LAMB1: variants seen among roughly 807,000 people sequenced by gnomAD.
LAMB1 encodes laminin subunit beta-1.
LAMB1 carries 121 observed loss-of-function variants against 222.3 expected under a neutral mutation model. The observed-to-expected ratio is 0.54, with a 90% CI of 0.47 to 0.63. The LOEUF (loss-of-function observed/expected upper bound fraction) is 0.63, where lower values mean the gene tolerates loss of function less well. Ranked by LOEUF, LAMB1 falls within the 30% of genes least tolerant of loss-of-function variation. The pLI is 0.00. For missense variants in LAMB1, 2,172 were observed against 2,240.8 expected, an observed-to-expected ratio of 0.97 and a Z score of 0.62; for synonymous variants, 794 against 807.2, an observed-to-expected ratio of 0.98 and a Z score of 0.28.
At position 107,932,177 on chromosome 7, in the gene LAMB1, C is replaced by T. The variant is rs2032726677; in HGVS notation, c.4389G>A (p.Lys1463=). The part of the protein sequence containing the change: ...SALAEVEQLS[K]MVSEAKLRAD... ...CTGAGGCCATCCACTGAGTTACCAT[C>T]TTGGAGAGCTGTTCCACTTCAGCCA... Residue 1463 remains lysine (K), a synonymous_variant, in exon 28 of 34, where the codon AAG becomes AAA. Coordinates refer to ENST00000222399, the MANE Select transcript of LAMB1 (RefSeq NM_002291.3). 6.2e-7 allele frequency: 1 copy of T among 1,614,170 alleles called. No homozygotes were observed. Among genetic ancestry groups the T allele is most frequent in the Admixed American group, 1.7e-5 (1 of 60,034 alleles).
chr7:107,937,898 G>GT (rs1430706395), intron 25 of LAMB1, among the ~76,000 whole-genome samples: 1 of 152,098 alleles, frequency 6.6e-6, no homozygotes, highest in Non-Finnish European at 1.5e-5. Context: ...AGCTTTCACA[G>GT]TATTTAATTT....
At chr7:107,932,419 A>T (rs2032736192) in intron 27 of LAMB1, 42 bp from the exon 28 acceptor site, 1 of 1,598,034 alleles carries the variant, frequency 6.3e-7, no homozygotes, top group African/African-American at 1.3e-5. Context: ...TCGGATAGTG[A>T]ATCTGCTGCA....
At chr7:108,001,486 C>T (rs2034381907) in intron 3 of LAMB1, 72 bp downstream of exon 3, 8 of 1,458,022 alleles carry the variant, frequency 5.5e-6, no homozygotes, top group Non-Finnish European at 5.5e-6. Context: ...TGCGGAGTCC[C>T]CAGGGCCTGC....
chr7:108,001,633 T>C lies in LAMB1; in HGVS notation c.138A>G (p.Arg46=), dbSNP rs749400781. 12 of 1,613,100 alleles carry C rather than the reference T, an allele frequency of 7.4e-6. No individual in the cohort carries two copies. In the Admixed American group the frequency reaches 2.0e-4, roughly 27 times the overall value. The part of the protein sequence containing the change: ...YPATGDLLIG[R]AQKLSVTSTC... ...TCGAGGTCACCGAAAGCTTCTGTGC[T>C]CGGCCGATGAGAAGGTCGCCCGTGG... is the stretch of plus-strand genomic sequence containing the variant. Residue 46 remains arginine, a synonymous_variant, in exon 3 of 34, where the codon CGA becomes CGG. Transcript: ENST00000222399.
At chr7:107,983,927 A>C (rs781323077) in intron 7 of LAMB1, among the ~76,000 whole-genome samples, 1 of 152,226 alleles carries the variant, frequency 6.6e-6, no homozygotes, top group Non-Finnish European at 1.5e-5. Context: ...ACCGTAACAT[A>C]TGGATTCAAG....
At position 107,970,505 on chromosome 7, in the gene LAMB1, A is replaced by AAAAG. The variant is rs386418403; in HGVS notation, c.1562+2486_1562+2487insCTTT. Among the ~76,000 whole-genome samples the AAAAG allele has an allele frequency of 4.7e-4, 51 of 108,814 alleles. 3 individuals are homozygous for AAAAG. The highest frequency in any genetic ancestry group is 1.5e-3 in the African/African-American group (41 of 26,506). 71.4% of individuals were successfully genotyped at this position (108,814 alleles called of 152,430 possible). Reference sequence around the variant, plus strand: ...CTCTGTCTCAAAAAAAAAAAAAAAAAGGGGGGGGTGGGCTTCAAGCCAGAT... The same window carrying AAAAG: ...CTCTGTCTCAAAAAAAAAAAAAAAAAAAAGGGGGGGGGTGGGCTTCAAGCCAGAT... On this transcript the variant is annotated intron_variant, in intron 13 of 33. Coordinates refer to ENST00000222399, the MANE Select transcript of LAMB1 (RefSeq NM_002291.3).
intron 32 of LAMB1, among the ~76,000 whole-genome samples, chr7:107,925,473 C>T (rs923232490): frequency 3.3e-5 from 5 of 152,096 alleles, no homozygotes; most frequent in African/African-American, 9.7e-5. Flanking sequence ...TCCCCACCCC[C>T]GAGTCTGGAA....
intron 13 of LAMB1, among the ~76,000 whole-genome samples, chr7:107,972,764 T>C (rs1044261672): frequency 6.6e-6 from 1 of 152,212 alleles, no homozygotes; most frequent in Non-Finnish European, 1.5e-5. Flanking sequence ...GTTCAATATG[T>C]CTGGAACAAC....
At chr7:108,001,893 A>G in intron 2 of LAMB1, 160 bp from the exon 3 acceptor site, 1 of 1,471,420 alleles carries the variant, frequency 6.8e-7, no homozygotes, top group Non-Finnish European at 9.0e-7. Context: ...TGAGCGCAGG[A>G]GAGGCTGGGA....
chr7:107,983,096 C>T (rs775186136), intron 7 of LAMB1, among the ~76,000 whole-genome samples: 7 of 152,104 alleles, frequency 4.6e-5, no homozygotes, highest in Admixed American at 2.0e-4. Flanking sequence ...CAGAAATTGG[C>T]ACAGAGCTGG....
chr7:107,988,155 T>C (rs2150447874), intron 5 of LAMB1, among the ~76,000 whole-genome samples: 1 of 152,310 alleles, frequency 6.6e-6, no homozygotes, highest in Admixed American at 6.5e-5. Flanking sequence ...TGAATTACAC[T>C]TGGTGATCAA....
intron 13 of LAMB1, among the ~76,000 whole-genome samples, chr7:107,968,898 A>G (rs949270820): frequency 2.0e-5 from 3 of 152,220 alleles, no homozygotes; most frequent in African/African-American, 7.2e-5. Context: ...TATTGTTTTA[A>G]ACAACCAAAT....
In LAMB1 at chr7:107,937,199, G is replaced by A. The variant is rs1322639780; in HGVS notation, c.3840C>T (p.Ser1280=). ...GTAGAGAATCCAGTTCTTTGGCTGTGCTGTTGCTTTGGGAAGTTGTGTCAG... is the reference window on the plus strand; with the variant it reads ...GTAGAGAATCCAGTTCTTTGGCTGTACTGTTGCTTTGGGAAGTTGTGTCAG... ...KLSDTTSQSN[S]TAKELDSLQT... Residue 1280 remains serine, a synonymous_variant, in exon 26 of 34, where the codon AGC becomes AGT. Transcript: ENST00000222399. 8.1e-6 allele frequency: 13 copies of A among 1,613,762 alleles called. No individual in the cohort carries two copies. Among genetic ancestry groups the A allele is most frequent in the African/African-American group, 2.7e-5 (2 of 74,898 alleles).
rs1319961268 is a variant in LAMB1, at chr7:107,959,717, A to G, written c.2432T>C (p.Phe811Ser). ...TTTGCATCCACTGGGGCCAAAGCCA[A>G]AAGTTCCAGGTGCACATCTGTTGCA... ...RTCNRCAPGT[F>S]GFGPSGCKPC... Residue 811 changes from phenylalanine (F) to serine (S), a missense_variant, in exon 19 of 34, where the codon TTT becomes TCT. Transcript: ENST00000222399. 4 of 1,614,094 alleles carry G rather than the reference A, an allele frequency of 2.5e-6. No individual in the cohort carries two copies.
intron 13 of LAMB1, among the ~76,000 whole-genome samples, chr7:107,971,640 T>C (rs2033750896): frequency 1.3e-5 from 2 of 152,216 alleles, no homozygotes; most frequent in Admixed American, 6.5e-5. Context: ...GATCAGATGA[T>C]TACCTGCTTT....
At position 107,964,646 on chromosome 7, in the gene LAMB1, A is replaced by G. The variant is rs767478779; in HGVS notation, c.1604T>C (p.Met535Thr). The G allele has an allele frequency of 3.1e-6, 5 of 1,614,114 alleles. No individual in the cohort carries two copies. The highest frequency in any genetic ancestry group is 4.2e-6 in the Non-Finnish European group (5 of 1,180,006). The part of the protein sequence containing the change: ...ESGQCSCRPH[M>T]IGRQCNEVEP... ...CACTTCGTTGCACTGACGTCCAATCATGTGAGGCCGGCATGAGCACTGGCC... is the reference window on the plus strand; with the variant it reads ...CACTTCGTTGCACTGACGTCCAATCGTGTGAGGCCGGCATGAGCACTGGCC... The change falls in exon 14 of 34, where the codon ATG (methionine) becomes ACG (threonine). Residue 535 changes from methionine to threonine, a missense_variant. Met to Thr is a moderately conservative substitution (Grantham distance 81). Coordinates refer to ENST00000222399, the MANE Select transcript of LAMB1 (RefSeq NM_002291.3).
rs767786300 is a variant in LAMB1, at chr7:107,929,618, C to T, written c.4539G>A (p.Gln1513=). ...LIKQIRNFLT[Q]DSADLDSIEA... ...CAATGCTGTCCAAATCAGCACTATC[C>T]TCTGTGAAAAGCAAAGATGTCCCCA... is the stretch of plus-strand genomic sequence containing the variant. The change falls in exon 30 of 34, where the codon CAG becomes CAA. Residue 1513 remains glutamine, a splice_region_variant and synonymous_variant. Transcript: ENST00000222399. 8.1e-6 allele frequency: 13 copies of T among 1,613,612 alleles called. No homozygotes were observed. The African/African-American group carries it at 1.6e-4, about 20-fold the overall frequency.
At chr7:107,935,334 T>C in intron 27 of LAMB1, 81 bp downstream of exon 27, 2 of 1,501,802 alleles carry the variant, frequency 1.3e-6, no homozygotes, top group South Asian at 2.6e-5. Context: ...CAAAAGATGG[T>C]TTGTTTTTCT....
intron 24 of LAMB1, 102 bp from the exon 25 acceptor site, chr7:107,940,460 G>T: frequency 7.9e-7 from 1 of 1,263,096 alleles, no homozygotes; most frequent in Non-Finnish European, 1.1e-6. Context: ...ATGGGAAGGT[G>T]TCAACCATCG....
Sources: allele counts gnomAD v4.1 joint callset (sites outside exome capture counted in the v4.1 genomes callset), GRCh38; gene constraint gnomAD v4.1.1; transcripts MANE v1.5; gene names NCBI Gene and HGNC (gene_info 2026-07-23, HGNC 2026-07-21).